Variants in RBBP4 observed in about 807,000 individuals in gnomAD.
The protein encoded by RBBP4 is RB binding protein 4, chromatin remodeling factor.
Under a neutral mutation model 57.2 loss-of-function variants are expected in RBBP4, and 3 were observed. The observed-to-expected ratio is 0.05, with a 90% confidence interval of 0.02 to 0.14. The LOEUF is 0.14. RBBP4 is among the 10% of genes least tolerant of loss of function. RBBP4 has a pLI of 1.00. For missense variants in RBBP4, 107 were observed against 520.6 expected, an observed-to-expected ratio of 0.21 and a Z score of 7.73; for synonymous variants, 151 against 171.5, an observed-to-expected ratio of 0.88 and a Z score of 0.93.
intron 11 of RBBP4, among the ~76,000 whole-genome samples, chr1:32,674,803 C>CT (rs1557860288): frequency 6.6e-6 from 1 of 151,626 alleles, no homozygotes; most frequent in Admixed American, 6.6e-5. Flanking sequence ...TCTCAGCTCA[C>CT]TGCAACCTCT....
chr1:32,685,510 A>G lies in RBBP4; in HGVS notation c.*5805A>G, dbSNP rs1417217012. The G allele has an allele frequency of 1.3e-5, 2 of 152,246 alleles. No individual in the cohort carries two copies. Among genetic ancestry groups the G allele is most frequent in the African/African-American group, 4.8e-5 (2 of 41,464 alleles). 9.4% of individuals were successfully genotyped at this position (152,246 alleles called of 1,614,324 possible). On this transcript the variant is annotated 3_prime_UTR_variant, in exon 12 of 12. Coordinates refer to ENST00000373493, the MANE Select transcript of RBBP4 (RefSeq NM_005610.3). ...AGTTGTTGGGGTACATGCTATTATT[A>G]GAAGGATCTAGATAATTTGTCCTCT...
chr1:32,669,634 T>G lies in RBBP4; in HGVS notation c.966+71T>G. Reference sequence around the variant, plus strand: ...TGCTGGGCGCGGTCGCTCACGCCTGTAATCCCAGCACTTTGGGAGGCTGAA... The same window carrying G: ...TGCTGGGCGCGGTCGCTCACGCCTGGAATCCCAGCACTTTGGGAGGCTGAA... On this transcript the variant is annotated intron_variant, in intron 8 of 11. Transcript: ENST00000373493. This position sits in a 1 kb window ranked among gnomAD's most constrained non-coding sequence, Gnocchi z 4.9. 6.5e-7 allele frequency: 1 copy of G among 1,529,436 alleles called. No individual in the cohort carries two copies. The highest frequency in any genetic ancestry group is 8.8e-7 in the Non-Finnish European group (1 of 1,141,696). 94.7% of individuals were successfully genotyped at this position (1,529,436 alleles called of 1,614,324 possible). A position where few individuals can be genotyped will look rare whatever the true frequency, so the allele number is the denominator to read the frequency against.
At chr1:32,667,864 A>T (rs1199883492) in intron 3 of RBBP4, among the ~76,000 whole-genome samples, 1 of 152,188 alleles carries the variant, frequency 6.6e-6, no homozygotes, top group Non-Finnish European at 1.5e-5. Context: ...ATAATACCTA[A>T]TATAATGTAA....
intron 3 of RBBP4, among the ~76,000 whole-genome samples, chr1:32,664,935 A>G (rs189814869): frequency 1.6e-4 from 25 of 152,304 alleles, no homozygotes; most frequent in Admixed American, 2.6e-4. Context: ...TGTCTAAAAA[A>G]CAATGTACAT....
At chr1:32,665,187 G>C (rs1417743129) in intron 3 of RBBP4, among the ~76,000 whole-genome samples, 1 of 152,124 alleles carries the variant, frequency 6.6e-6, no homozygotes, top group Non-Finnish European at 1.5e-5. Flanking sequence ...GATTGTAGAT[G>C]CTTGTGGGCT....
intron 2 of RBBP4, among the ~76,000 whole-genome samples, chr1:32,655,947 A>G (rs987871982): frequency 4.6e-5 from 7 of 152,168 alleles, no homozygotes; most frequent in African/African-American, 1.4e-4. Context: ...TTCTGATTCA[A>G]TGGGTCTGGA....
At position 32,682,685 on chromosome 1, in the gene RBBP4, C is replaced by T. The variant is rs1649523865; in HGVS notation, c.*2980C>T. 6.6e-6 allele frequency: 1 copy of T among 151,540 alleles called. No homozygotes were observed. The allele number at this position is 151,540 out of a possible 1,614,324, so 9.4% of individuals were successfully genotyped here. A position where few individuals can be genotyped will look rare whatever the true frequency, so the allele number is the denominator to read the frequency against. On this transcript the variant is annotated 3_prime_UTR_variant, in exon 12 of 12. Coordinates refer to ENST00000373493, the MANE Select transcript of RBBP4 (RefSeq NM_005610.3). ...ACTCAGGAGGCTGAGGCAGGAAAATCACTTGAACCCAGGAGGTGGAGGTTG... is the reference window on the plus strand; with the variant it reads ...ACTCAGGAGGCTGAGGCAGGAAAATTACTTGAACCCAGGAGGTGGAGGTTG...
In RBBP4 at chr1:32,668,735, G is replaced by T; in HGVS notation, c.485-4G>T. The T allele has an allele frequency of 6.2e-7, 1 of 1,610,374 alleles. No individual in the cohort carries two copies. Among genetic ancestry groups the T allele is most frequent in the Non-Finnish European group, 8.5e-7 (1 of 1,178,124 alleles). ...GTAGTCTTGATGTGTCTGTCACTTT[G>T]CAGATCCTTCTGGAGAGTGCAACCC... is the stretch of plus-strand genomic sequence containing the variant. On this transcript the variant is annotated splice_region_variant and splice_polypyrimidine_tract_variant and intron_variant, in intron 4 of 11. Coordinates refer to ENST00000373493, the MANE Select transcript of RBBP4 (RefSeq NM_005610.3).
chr1:32,680,075 T>C lies in RBBP4; in HGVS notation c.*370T>C, dbSNP rs1169015299. The C allele has an allele frequency of 9.3e-7, 1 of 1,072,156 alleles. No individual in the cohort carries two copies. The highest frequency in any genetic ancestry group is 1.1e-6 in the Non-Finnish European group (1 of 887,216). The allele number at this position is 1,072,156 out of a possible 1,614,324, so 66.4% of individuals were successfully genotyped here. A position where few individuals can be genotyped will look rare whatever the true frequency, so the allele number is the denominator to read the frequency against. On this transcript the variant is annotated 3_prime_UTR_variant, in exon 12 of 12. Transcript: ENST00000373493. ...AATAGAGCCAAATGAGGTAGGTGTCTGAGCCATGAAGTATAAATACTGAAA... is the reference window on the plus strand; with the variant it reads ...AATAGAGCCAAATGAGGTAGGTGTCCGAGCCATGAAGTATAAATACTGAAA...
chr1:32,677,766 T>G (rs898947039), intron 11 of RBBP4, among the ~76,000 whole-genome samples: 2 of 152,142 alleles, frequency 1.3e-5, no homozygotes, highest in Non-Finnish European at 2.9e-5. Flanking sequence ...GTGTTAGAAG[T>G]AACGTCAGAA....
chr1:32,676,581 G>A (rs913104701), intron 11 of RBBP4, among the ~76,000 whole-genome samples: 1 of 136,474 alleles, frequency 7.3e-6, no homozygotes, highest in African/African-American at 2.8e-5. Context: ...CATTGCACTC[G>A]AACATGGGCA....
chr1:32,671,571 A>G (rs1434507822), intron 8 of RBBP4, among the ~76,000 whole-genome samples: 1 of 152,152 alleles, frequency 6.6e-6, no homozygotes, highest in Admixed American at 6.5e-5. Context: ...TGATGTTTCC[A>G]AAGATAAAAT....
intron 3 of RBBP4, among the ~76,000 whole-genome samples, chr1:32,663,253 C>G (rs539089606): frequency 5.5e-4 from 84 of 152,162 alleles, no homozygotes; most frequent in African/African-American, 1.9e-3. Context: ...AAAAATTCAT[C>G]AAGCTACGAC....
rs1244319707 is a variant in RBBP4 at position 32,651,278 on chromosome 1, C to T, written c.-29C>T. 3.3e-6 allele frequency: 5 copies of T among 1,494,928 alleles called. No homozygotes were observed. In the South Asian group the frequency reaches 3.8e-5, roughly 11 times the overall value. 92.6% of individuals were successfully genotyped at this position (1,494,928 alleles called of 1,614,324 possible). On this transcript the variant is annotated 5_prime_UTR_variant, in exon 1 of 12. Coordinates refer to ENST00000373493, the MANE Select transcript of RBBP4 (RefSeq NM_005610.3). Reference sequence around the variant, plus strand: ...CCCGCCCCTCCCGCAACGCTCGACCCCAGGATTCCCCCGGCTCGCCTGCCC... The same window carrying T: ...CCCGCCCCTCCCGCAACGCTCGACCTCAGGATTCCCCCGGCTCGCCTGCCC...
intron 3 of RBBP4, among the ~76,000 whole-genome samples, chr1:32,667,438 A>G (rs1225115622): frequency 6.6e-6 from 1 of 152,006 alleles, no homozygotes; most frequent in Non-Finnish European, 1.5e-5. Context: ...TGGACGACTC[A>G]TCCTCCTTAC....
intron 8 of RBBP4, 41 bp from the exon 9 acceptor site, chr1:32,672,409 C>A: frequency 7.0e-7 from 1 of 1,436,330 alleles, no homozygotes; most frequent in Admixed American, 2.2e-5. Flanking sequence ...CCTTTATTTT[C>A]TAATTCATGG....
In RBBP4 at chr1:32,656,711, G is replaced by A. The variant is rs532430642; in HGVS notation, c.165-716G>A. ...TTAATTGTCTTTGTACTTCCATCGC[G>A]TTTGGAGCGATGTGTCCATTGATAG... is the stretch of plus-strand genomic sequence containing the variant. On this transcript the variant is annotated intron_variant, in intron 2 of 11. Transcript: ENST00000373493. 1.6e-4 allele frequency among the ~76,000 whole-genome samples: 24 copies of A among 152,060 alleles called. No homozygotes were observed. The South Asian group carries it at 1.9e-3, about 12-fold the overall frequency.
intron 3 of RBBP4, among the ~76,000 whole-genome samples, chr1:32,658,845 A>G (rs1237618338): frequency 2.6e-5 from 4 of 151,668 alleles, no homozygotes; most frequent in Admixed American, 1.3e-4. Flanking sequence ...GTAGTGTGAT[A>G]AATTGTAAAA....
At chr1:32,657,624 T>A in intron 3 of RBBP4, 52 bp downstream of exon 3, 1 of 1,555,264 alleles carries the variant, frequency 6.4e-7, no homozygotes, top group Non-Finnish European at 8.7e-7. Context: ...ATATCTGTTA[T>A]GTGCACTTTG....
Sources: gnomAD v4.1 joint callset for allele counts (sites outside exome capture counted in the v4.1 genomes callset) on GRCh38, gnomAD v4.1.1 for gene constraint, Gnocchi (gnomAD v3.1) non-coding constraint, MANE v1.5 for transcripts, NCBI Gene and HGNC (gene_info 2026-07-23, HGNC 2026-07-21) for gene names.